TNRC6C: variants seen among roughly 807,000 people sequenced by gnomAD.
The protein encoded by TNRC6C is trinucleotide repeat containing adaptor 6C.
TNRC6C carries 20 observed loss-of-function variants against 153.7 expected under a neutral mutation model. That is an observed-to-expected ratio of 0.13 (90% CI 0.09 to 0.19). The LOEUF is 0.19. Ranked by LOEUF, TNRC6C falls within the 10% of genes least tolerant of loss-of-function variation. The pLI is 1.00. For synonymous variants in TNRC6C, 811 were observed against 841.4 expected (o/e 0.96, Z 0.63); for missense variants, 1,987 against 2,172.0 (o/e 0.91, Z 1.69).
chr17:78,058,954 G>A (rs1488696763), intron 3 of TNRC6C, among the ~76,000 whole-genome samples: 2 of 152,172 alleles, frequency 1.3e-5, no homozygotes, highest in Admixed American at 1.3e-4. Flanking sequence ...TCATGGAAGA[G>A]GCATATCTCC....
At chr17:78,091,979 G>A (rs961823309) in intron 14 of TNRC6C, among the ~76,000 whole-genome samples, 115 of 152,248 alleles carry the variant, frequency 7.6e-4, no homozygotes, top group Non-Finnish European at 1.0e-4. Context: ...GTATGTATGG[G>A]AACTGCAGCT....
intron 3 of TNRC6C, among the ~76,000 whole-genome samples, chr17:78,062,403 C>T (rs2072786823): frequency 1.3e-5 from 2 of 152,086 alleles, no homozygotes. Flanking sequence ...AAAATTAATA[C>T]ATTTTGTAAT....
chr17:78,046,814 T>C (rs2072421327), intron 2 of TNRC6C, among the ~76,000 whole-genome samples: 1 of 152,248 alleles, frequency 6.6e-6, no homozygotes, highest in South Asian at 2.1e-4. Context: ...CAGCATTTAT[T>C]AGCCACCAGC....
At chr17:78,067,608 C>T in intron 4 of TNRC6C, 149 bp from the exon 7 acceptor site, 2 of 812,154 alleles carry the variant, frequency 2.5e-6, no homozygotes, top group Non-Finnish European at 3.7e-6. Context: ...AAGAGAAATT[C>T]AATTCTGAGA....
chr17:78,036,461 C>T (rs1265366625), intron 2 of TNRC6C, among the ~76,000 whole-genome samples: 1 of 151,986 alleles, frequency 6.6e-6, no homozygotes, highest in Non-Finnish European at 1.5e-5. Context: ...CGTGTCCATT[C>T]CAGTAAACAG....
intron 4 of TNRC6C, among the ~76,000 whole-genome samples, chr17:78,067,285 G>A (rs2072900649): frequency 6.6e-6 from 1 of 152,162 alleles, no homozygotes; most frequent in Admixed American, 6.5e-5. Flanking sequence ...GTTTGAGGTT[G>A]CAGTGAGCTG....
chr17:78,054,152 G>T (rs1229685895), intron 3 of TNRC6C, among the ~76,000 whole-genome samples: 1 of 152,120 alleles, frequency 6.6e-6, no homozygotes, highest in Non-Finnish European at 1.5e-5. Flanking sequence ...ACATGAAAAG[G>T]GGACATTAAA....
At chr17:78,095,283 A>G (rs1459636565) in intron 16 of TNRC6C, among the ~76,000 whole-genome samples, 1 of 152,254 alleles carries the variant, frequency 6.6e-6, no homozygotes, top group Non-Finnish European at 1.5e-5. Context: ...AACACGTGAC[A>G]GCTGTCCTCA....
At chr17:78,087,768 A>G (rs138624950) in intron 13 of TNRC6C, among the ~76,000 whole-genome samples, 74 of 152,332 alleles carry the variant, frequency 4.9e-4, no homozygotes, top group East Asian at 2.9e-3. Flanking sequence ...CAACATATAT[A>G]TGTTGAAATC....
At chr17:78,004,486 G>A (rs1256906406), upstream of TNRC6C, among the ~76,000 whole-genome samples, 1 of 152,176 alleles carries the variant, frequency 6.6e-6, no homozygotes, top group African/African-American at 2.4e-5. Context: ...TGTGTTTTAA[G>A]GAAGCTGTGT....
intron 2 of TNRC6C, among the ~76,000 whole-genome samples, chr17:78,037,490 G>T (rs1316663635): frequency 6.6e-6 from 1 of 151,924 alleles, no homozygotes; most frequent in Non-Finnish European, 1.5e-5. Context: ...ACGGATAGGG[G>T]ACTGCAAGGA....
intron 1 of TNRC6C, among the ~76,000 whole-genome samples, chr17:77,968,208 A>G (rs953596857): frequency 1.8e-4 from 27 of 150,514 alleles, no homozygotes; most frequent in African/African-American, 6.1e-4. Flanking sequence ...AATTTTTTGT[A>G]TTTTTAGCAG....
At chr17:77,987,807 G>C (rs1002018510) in intron 1 of TNRC6C, among the ~76,000 whole-genome samples, 3 of 152,086 alleles carry the variant, frequency 2.0e-5, no homozygotes, top group Non-Finnish European at 4.4e-5. Context: ...ACCCTCCCAA[G>C]TAGCTGGGAT....
At chr17:78,093,836 G>T in intron 16 of TNRC6C, 73 bp downstream of exon 18, 1 of 1,579,376 alleles carries the variant, frequency 6.3e-7, no homozygotes, top group Non-Finnish European at 8.6e-7. Flanking sequence ...AGGGGTGACA[G>T]GTTGGGCTGT....
chr17:78,028,985 A>T (rs2072002958), intron 1 of TNRC6C, among the ~76,000 whole-genome samples: 1 of 152,224 alleles, frequency 6.6e-6, no homozygotes, highest in Non-Finnish European at 1.5e-5. Context: ...TGCATTCGGC[A>T]TGCTAATTAG....
chr17:78,022,482 C>G (rs1054909726), intron 1 of TNRC6C, among the ~76,000 whole-genome samples: 5 of 152,148 alleles, frequency 3.3e-5, no homozygotes, highest in African/African-American at 1.2e-4. Flanking sequence ...TGAATTTGTC[C>G]TTCAGTCATT....
At chr17:78,069,482 C>T (rs1320845808) in intron 5 of TNRC6C, among the ~76,000 whole-genome samples, 1 of 152,124 alleles carries the variant, frequency 6.6e-6, no homozygotes, top group Non-Finnish European at 1.5e-5. Flanking sequence ...CTCCTGGGCT[C>T]GAATTGTCCT....
At chr17:78,057,140 T>G (rs547274456) in intron 3 of TNRC6C, among the ~76,000 whole-genome samples, 1 of 152,240 alleles carries the variant, frequency 6.6e-6, no homozygotes, top group Admixed American at 6.5e-5. Flanking sequence ...GCTGAAAGTA[T>G]GTTAAGTTTA....
chr17:78,001,731 G>A (rs879866478), upstream of TNRC6C, among the ~76,000 whole-genome samples: 34 of 152,208 alleles, frequency 2.2e-4, no homozygotes, highest in Non-Finnish European at 3.8e-4. Context: ...AGTTACACGA[G>A]CAGGGACAAA....
Sources: gnomAD v4.1 joint callset for allele counts (sites outside exome capture counted in the v4.1 genomes callset) on GRCh38, gnomAD v4.1.1 for gene constraint, MANE v1.5 for transcripts, NCBI Gene and HGNC (gene_info 2026-07-23, HGNC 2026-07-21) for gene names.